TBX15: variants seen among roughly 807,000 people sequenced by gnomAD.
TBX15 encodes T-box transcription factor 15.
TBX15 carries 18 observed loss-of-function variants against 53.9 expected under a neutral mutation model. The ratio of observed to expected loss-of-function variants is 0.33; its 90% CI spans 0.23 to 0.49. The LOEUF (loss-of-function observed/expected upper bound fraction) is 0.49. TBX15 is among the 20% of genes least tolerant of loss of function. The probability of loss-of-function intolerance (pLI) is 0.98; values close to 1 mark genes in which losing one functional copy is unlikely to be tolerated. For missense variants in TBX15, 692 were observed against 749.5 expected (o/e 0.92, Z 0.90); for synonymous variants, 295 against 278.0 (o/e 1.06, Z -0.61).
chr1:118,972,806 G>T (rs1478524423), intron 1 of TBX15, among the ~76,000 whole-genome samples: 1 of 152,022 alleles, frequency 6.6e-6, no homozygotes, highest in Non-Finnish European at 1.5e-5. Flanking sequence ...CACCATGTTG[G>T]CCAGGTTGGT....
intron 1 of TBX15, among the ~76,000 whole-genome samples, chr1:118,986,550 T>C (rs1354657567): frequency 6.6e-6 from 1 of 152,190 alleles, no homozygotes; most frequent in Admixed American, 6.5e-5. Context: ...CTCCTCTGAG[T>C]TGGACAGCTT....
intron 1 of TBX15, among the ~76,000 whole-genome samples, chr1:118,939,176 G>A (rs1202651613): frequency 2.0e-5 from 3 of 151,842 alleles, no homozygotes; most frequent in Admixed American, 6.6e-5. Flanking sequence ...GAAAGCTGAC[G>A]CAGGCAGATC....
intron 1 of TBX15, among the ~76,000 whole-genome samples, chr1:118,941,405 A>C (rs956653408): frequency 7.9e-5 from 12 of 152,210 alleles, no homozygotes; most frequent in African/African-American, 2.9e-4. Flanking sequence ...TGGAGGTGGC[A>C]GTTTCAAAGA....
rs918247530 is a variant in TBX15, at chr1:118,972,582, C to G, written c.205+15009G>C. On this transcript the variant is annotated intron_variant, in intron 1 of 7. Transcript: ENST00000369429. ...GGGACCATCTTGTGCCAACACTCTCCAAATGGTTTCTTTTCCTTTCTTTTC... is the reference window on the plus strand; with the variant it reads ...GGGACCATCTTGTGCCAACACTCTCGAAATGGTTTCTTTTCCTTTCTTTTC... Among the ~76,000 whole-genome samples, 9 of 152,060 alleles carry G rather than the reference C, an allele frequency of 5.9e-5. No homozygotes were observed. The East Asian group carries it at 1.7e-3, about 29-fold the overall frequency.
intron 6 of TBX15, among the ~76,000 whole-genome samples, chr1:118,904,861 C>T (rs541642404): frequency 1.1e-4 from 16 of 152,288 alleles, no homozygotes; most frequent in African/African-American, 3.6e-4. Flanking sequence ...GATTACCTGG[C>T]TTCAAACTGC....
At chr1:118,975,020 A>G (rs930489738) in intron 1 of TBX15, among the ~76,000 whole-genome samples, 3 of 152,228 alleles carry the variant, frequency 2.0e-5, no homozygotes, top group Admixed American at 6.5e-5. Context: ...TTTTGAATCA[A>G]TTACCAATGA....
intron 1 of TBX15, among the ~76,000 whole-genome samples, chr1:118,960,293 G>A (rs564382251): frequency 2.0e-5 from 3 of 152,266 alleles, no homozygotes; most frequent in South Asian, 4.1e-4. Context: ...GCCCAGTTCA[G>A]GTTTCATCTG....
At chr1:118,985,824 T>C (rs983322314) in intron 1 of TBX15, among the ~76,000 whole-genome samples, 2 of 152,366 alleles carry the variant, frequency 1.3e-5, no homozygotes, top group East Asian at 3.9e-4. Context: ...ATAGAATTCA[T>C]GAGCTTAGCT....
intron 5 of TBX15, among the ~76,000 whole-genome samples, chr1:118,917,996 T>C (rs1009893666): frequency 1.8e-4 from 28 of 152,188 alleles, no homozygotes; most frequent in Non-Finnish European, 3.2e-4. Context: ...TGCCAAGCTC[T>C]TTCTGTGTTC....
chr1:118,931,928 G>A, intron 1 of TBX15, 96 bp from the exon 2 acceptor site: 2 of 1,233,292 alleles, frequency 1.6e-6, no homozygotes, highest in Non-Finnish European at 2.3e-6. Flanking sequence ...ATGAAGTGGG[G>A]AGAGGGGTAA....
At chr1:118,890,993 C>T in intron 7 of TBX15, 1 of 1,263,320 alleles carries the variant, frequency 7.9e-7, no homozygotes, top group Non-Finnish European at 1.0e-6. Flanking sequence ...GGTAAAATAT[C>T]AGCACCCTAT....
intron 1 of TBX15, among the ~76,000 whole-genome samples, chr1:118,952,364 C>T (rs1656542841): frequency 6.6e-6 from 1 of 152,072 alleles, no homozygotes; most frequent in Non-Finnish European, 1.5e-5. Flanking sequence ...AGGGAGTCAG[C>T]ACCACAACCC....
At chr1:118,949,482 C>T (rs1338437307) in intron 1 of TBX15, among the ~76,000 whole-genome samples, 1 of 152,178 alleles carries the variant, frequency 6.6e-6, no homozygotes, top group Admixed American at 6.5e-5. Context: ...TCATTTCCTC[C>T]CCAACTCTTG....
intron 6 of TBX15, among the ~76,000 whole-genome samples, chr1:118,901,684 A>G (rs61806198): frequency 0.022 from 3,341 of 152,288 alleles, 58 homozygotes; most frequent in Non-Finnish European, 0.03. Flanking sequence ...TTATGACACC[A>G]TCTTGAATGG....
intron 1 of TBX15, among the ~76,000 whole-genome samples, chr1:118,944,889 T>G (rs1020639856): frequency 6.6e-6 from 1 of 152,214 alleles, no homozygotes; most frequent in African/African-American, 2.4e-5. Context: ...GGGCTTGCGA[T>G]TCGAGCACTC....
At chr1:118,958,129 A>G (rs1356285038) in intron 1 of TBX15, among the ~76,000 whole-genome samples, 1 of 152,228 alleles carries the variant, frequency 6.6e-6, no homozygotes, top group African/African-American at 2.4e-5. Flanking sequence ...CCTAACCTCC[A>G]ATGTGGCAGT....
At chr1:118,967,280 T>C (rs1024575346) in intron 1 of TBX15, among the ~76,000 whole-genome samples, 1 of 152,232 alleles carries the variant, frequency 6.6e-6, no homozygotes, top group Admixed American at 6.5e-5. Flanking sequence ...TTTTATTTAT[T>C]GCTTTGTATT....
chr1:118,910,323 A>T (rs778486594), intron 6 of TBX15, among the ~76,000 whole-genome samples: 1 of 152,238 alleles, frequency 6.6e-6, no homozygotes, highest in South Asian at 2.1e-4. Flanking sequence ...GTACATTTAC[A>T]TGCAACTCAT....
intron 1 of TBX15, among the ~76,000 whole-genome samples, chr1:118,973,101 G>C (rs1657290191): frequency 6.6e-6 from 1 of 152,196 alleles, no homozygotes; most frequent in South Asian, 2.1e-4. Flanking sequence ...ACTATGCCAA[G>C]CACCTTAGAT....
Sources: allele counts gnomAD v4.1 joint callset (sites outside exome capture counted in the v4.1 genomes callset), GRCh38; gene constraint gnomAD v4.1.1; transcripts MANE v1.5; gene names NCBI Gene and HGNC (gene_info 2026-07-23, HGNC 2026-07-21).